DAPL1: variants seen among roughly 807,000 people sequenced by gnomAD.
DAPL1 encodes death associated protein like 1, also known as death-associated protein-like 1.
DAPL1 carries 17 observed loss-of-function variants against 12.9 expected under a neutral mutation model. The ratio of observed to expected loss-of-function variants is 1.32; its 90% CI spans 0.90 to 1.98. The LOEUF (loss-of-function observed/expected upper bound fraction) is 1.98, where lower values mean the gene tolerates loss of function less well. DAPL1 is among the 30% of genes most tolerant of loss of function. DAPL1 has a pLI of 0.00. For missense variants in DAPL1, 157 were observed against 125.7 expected (o/e 1.25, Z -1.19); for synonymous variants, 51 against 42.0 (o/e 1.21, Z -0.82).
intron 3 of DAPL1, among the ~76,000 whole-genome samples, chr2:158,813,676 C>T (rs554010726): frequency 1.2e-3 from 189 of 151,968 alleles, no homozygotes; most frequent in African/African-American, 4.3e-3. Context: ...CTGCCTCAGC[C>T]TCCAGAGTAG....
rs143762365 is a variant in DAPL1 at position 158,815,775 on chromosome 2, T to A, written c.278T>A (p.Val93Asp). The A allele has an allele frequency of 5.9e-4, 957 of 1,614,002 alleles. 1 individual carries two copies. The highest frequency in any genetic ancestry group is 7.7e-4 in the Non-Finnish European group (905 of 1,179,968). ...CCCACACCTGCTCTGGAAAAGGTTG[T>A]TCCACTGAAAAGGATCTACATTATT... ...QKPTPALEKV[V>D]PLKRIYIIQQ... is the part of the protein sequence containing the mutation. Residue 93 changes from valine to aspartate, a missense_variant, in exon 4 of 4, where the codon GTT becomes GAT. Val to Asp is a radical substitution (Grantham distance 152, BLOSUM62 -3). Transcript: ENST00000309950.
At chr2:158,805,759 A>G (rs2059197521) in intron 2 of DAPL1, among the ~76,000 whole-genome samples, 1 of 148,796 alleles carries the variant, frequency 6.7e-6, no homozygotes, top group South Asian at 2.1e-4. Context: ...TAAGATGGTG[A>G]TTGGAATCTT....
intron 3 of DAPL1, among the ~76,000 whole-genome samples, chr2:158,811,642 A>G (rs2059231026): frequency 6.6e-6 from 1 of 152,184 alleles, no homozygotes; most frequent in Non-Finnish European, 1.5e-5. Flanking sequence ...TCTAAGTTCA[A>G]TATGTTGCCC....
At chr2:158,810,434 G>C (rs1210678118) in intron 3 of DAPL1, among the ~76,000 whole-genome samples, 1 of 152,074 alleles carries the variant, frequency 6.6e-6, no homozygotes, top group Non-Finnish European at 1.5e-5. Flanking sequence ...CTTATTTTAA[G>C]AAATTAAGTC....
chr2:158,808,068 G>A (rs1483483571), intron 3 of DAPL1, among the ~76,000 whole-genome samples: 2 of 152,176 alleles, frequency 1.3e-5, no homozygotes, highest in Non-Finnish European at 2.9e-5. Context: ...CTGAGTGAGG[G>A]CCCTTATTCT....
chr2:158,800,081 A>ATT (rs36067638), intron 1 of DAPL1, among the ~76,000 whole-genome samples: 2 of 145,238 alleles, frequency 1.4e-5, no homozygotes, highest in African/African-American at 5.1e-5. Flanking sequence ...AAAAAAAAAA[A>ATT]TTTGGCATTT....
At chr2:158,808,465 A>G (rs2059213515) in intron 3 of DAPL1, among the ~76,000 whole-genome samples, 1 of 152,236 alleles carries the variant, frequency 6.6e-6, no homozygotes, top group Admixed American at 6.5e-5. Context: ...GCACTCTGTC[A>G]GGGATCGTAG....
intron 1 of DAPL1, 34 bp downstream of exon 1, chr2:158,795,464 G>C: frequency 1.3e-6 from 2 of 1,547,668 alleles, no homozygotes; most frequent in Admixed American, 3.9e-5. Context: ...CCTGCAGGCT[G>C]TTGCTGCTCC....
chr2:158,802,898 GA>G (rs2059176520), intron 1 of DAPL1, among the ~76,000 whole-genome samples: 1 of 152,146 alleles, frequency 6.6e-6, no homozygotes, highest in African/African-American at 2.4e-5. Context: ...CAGTAGATTA[GA>G]AACACATGAA....
rs892989111 is a variant in DAPL1, at chr2:158,802,054, C to T, written c.59-2228C>T. Among the ~76,000 whole-genome samples the T allele has an allele frequency of 6.6e-5, 10 of 152,250 alleles. No homozygotes were observed. The South Asian group carries it at 1.9e-3, about 28-fold the overall frequency. ...AAATGAGAATTAAAACAGTGATATA[C>T]CTTTATCTATTTTGTAACTTACTGG... On this transcript the variant is annotated intron_variant, in intron 1 of 3. Coordinates refer to ENST00000309950, the MANE Select transcript of DAPL1 (RefSeq NM_001017920.3).
intron 1 of DAPL1, among the ~76,000 whole-genome samples, chr2:158,804,065 C>T (rs888394556): frequency 2.0e-5 from 3 of 152,186 alleles, no homozygotes; most frequent in African/African-American, 7.2e-5. Context: ...GGTTCCACTT[C>T]TCTGAGCATA....
chr2:158,814,548 G>C (rs929498847), intron 3 of DAPL1, among the ~76,000 whole-genome samples: 8 of 152,186 alleles, frequency 5.3e-5, no homozygotes, highest in Non-Finnish European at 1.0e-4. Flanking sequence ...TTTTCTTCCA[G>C]TGTGTTTAAT....
chr2:158,799,468 C>A (rs1006642547), intron 1 of DAPL1, among the ~76,000 whole-genome samples: 4 of 151,822 alleles, frequency 2.6e-5, no homozygotes, highest in African/African-American at 9.7e-5. Context: ...GAGCAAGAAC[C>A]TGATTGTGTT....
intron 3 of DAPL1, among the ~76,000 whole-genome samples, chr2:158,810,010 AT>A (rs2059222201): frequency 6.6e-6 from 1 of 152,146 alleles, no homozygotes. Flanking sequence ...ACCAGAGGAA[AT>A]TTGGGGGAAT....
chr2:158,806,830 G>A (rs1575227976), intron 2 of DAPL1, among the ~76,000 whole-genome samples: 2 of 135,556 alleles, frequency 1.5e-5, no homozygotes, highest in South Asian at 2.4e-4. Flanking sequence ...GAGCGAAACT[G>A]TGTCTCAGAA....
intron 1 of DAPL1, among the ~76,000 whole-genome samples, chr2:158,802,383 C>T (rs1044654412): frequency 4.6e-5 from 7 of 152,344 alleles, no homozygotes; most frequent in African/African-American, 1.7e-4. Context: ...ATGAGCGAGG[C>T]ACATTCCTTG....
intron 1 of DAPL1, among the ~76,000 whole-genome samples, chr2:158,798,376 A>G (rs1439620207): frequency 6.6e-6 from 1 of 152,216 alleles, no homozygotes; most frequent in African/African-American, 2.4e-5. Context: ...TCTCAATTCC[A>G]TCTGCTCAAG....
Position 158,795,487 on chromosome 2 carries a change from A to G in DAPL1, c.58+57A>G, listed in dbSNP as rs1248685651. Reference sequence around the variant, plus strand: ...CTGTTGCTGCTCCCCTCTTCCACCAATGCCTTCCATGGAGCACCCCGACAG... The same window carrying G: ...CTGTTGCTGCTCCCCTCTTCCACCAGTGCCTTCCATGGAGCACCCCGACAG... On this transcript the variant is annotated intron_variant, in intron 1 of 3. Transcript: ENST00000309950. 5 of 1,496,776 alleles carry G rather than the reference A, an allele frequency of 3.3e-6. No homozygotes were observed. In the African/African-American group the frequency reaches 7.0e-5, roughly 21 times the overall value. 92.7% of individuals were successfully genotyped at this position (1,496,776 alleles called of 1,614,324 possible).
At chr2:158,812,135 G>A (rs916298095) in intron 3 of DAPL1, among the ~76,000 whole-genome samples, 1 of 152,186 alleles carries the variant, frequency 6.6e-6, no homozygotes, top group Non-Finnish European at 1.5e-5. Flanking sequence ...AAGTTGCTAT[G>A]AAACCCTGCT....
Sources: allele counts gnomAD v4.1 joint callset (sites outside exome capture counted in the v4.1 genomes callset), GRCh38; gene constraint gnomAD v4.1.1; transcripts MANE v1.5; gene names NCBI Gene and HGNC (gene_info 2026-07-23, HGNC 2026-07-21).